Variants in AGAP1 observed in about 807,000 individuals in gnomAD.
AGAP1 encodes the protein arf-GAP with GTPase, ANK repeat and PH domain-containing protein 1.
In AGAP1, 29 loss-of-function variants were observed where a neutral mutation model predicts 105.3. That is an observed-to-expected ratio of 0.28 (90% CI 0.21 to 0.38). The LOEUF is 0.38. AGAP1 is among the 10% of genes least tolerant of loss of function. The pLI is 1.00. For synonymous variants in AGAP1, 509 were observed against 485.9 expected, an observed-to-expected ratio of 1.05 and a Z score of -0.63; for missense variants, 998 against 1,165.1, an observed-to-expected ratio of 0.86 and a Z score of 2.09.
chr2:235,846,888 A>G (rs948355403), intron 9 of AGAP1, among the ~76,000 whole-genome samples: 2 of 152,172 alleles, frequency 1.3e-5, no homozygotes, highest in Non-Finnish European at 2.9e-5. Context: ...TTGGCCTCCC[A>G]AAGTGCTGGG....
At chr2:235,812,260 C>T (rs1311010187) in intron 9 of AGAP1, among the ~76,000 whole-genome samples, 2 of 152,220 alleles carry the variant, frequency 1.3e-5, no homozygotes, top group Admixed American at 6.5e-5. Flanking sequence ...TCCCAGCAGC[C>T]ATCTGAAGCC....
At chr2:235,512,105 A>ATG (rs201816024) in intron 1 of AGAP1, among the ~76,000 whole-genome samples, 8 of 89,106 alleles carry the variant, frequency 9.0e-5, no homozygotes, top group South Asian at 3.4e-4. Context: ...GTGTGTGTGA[A>ATG]TGTGTGTGTG....
intron 1 of AGAP1, among the ~76,000 whole-genome samples, chr2:235,630,985 T>C (rs1282298217): frequency 6.6e-6 from 1 of 152,182 alleles, no homozygotes; most frequent in East Asian, 1.9e-4. Context: ...GGAAGCATAT[T>C]GTGAACACAT....
In AGAP1 at chr2:235,557,481, C is replaced by T. The variant is rs574432570; in HGVS notation, c.163+62632C>T. Among the ~76,000 whole-genome samples, 1 of 152,128 alleles carries T rather than the reference C, an allele frequency of 6.6e-6. No individual in the cohort carries two copies. Among genetic ancestry groups the T allele is most frequent in the Non-Finnish European group, 1.5e-5 (1 of 68,040 alleles). ...GAAGTCTGAGTTCATTCCGAAGATT[C>T]TGGCTTTTGAGAACTTATATAAAGA... On this transcript the variant is annotated intron_variant, in intron 1 of 17. Transcript: ENST00000304032. This position sits in a 1 kb window ranked among gnomAD's most constrained non-coding sequence, Gnocchi z 4.7.
chr2:235,958,595 G>T lies in AGAP1; in HGVS notation c.1484-9867G>T, dbSNP rs1397381887. ...ATCAAAAATTGCCCAGCTAATGATCGGCTGGGCAGATAATCGGAGGAGAGT... is the reference window on the plus strand; with the variant it reads ...ATCAAAAATTGCCCAGCTAATGATCTGCTGGGCAGATAATCGGAGGAGAGT... On this transcript the variant is annotated intron_variant, in intron 12 of 17. Transcript: ENST00000304032. This position sits in a 1 kb window ranked among gnomAD's most constrained non-coding sequence, Gnocchi z 4.1. Among the ~76,000 whole-genome samples the T allele has an allele frequency of 6.6e-6, 1 of 152,160 alleles. No individual in the cohort carries two copies. Among genetic ancestry groups the T allele is most frequent in the African/African-American group, 2.4e-5 (1 of 41,422 alleles).
At chr2:235,604,895 T>A (rs1279083087) in intron 1 of AGAP1, among the ~76,000 whole-genome samples, 1 of 151,506 alleles carries the variant, frequency 6.6e-6, no homozygotes, top group Non-Finnish European at 1.5e-5. Flanking sequence ...TACCATTTTT[T>A]TTTGAGACGG....
chr2:236,049,811 T>C (rs1343666758), intron 16 of AGAP1: 3 of 152,496 alleles, frequency 2.0e-5, no homozygotes, highest in Non-Finnish European at 4.4e-5. Flanking sequence ...TTAATTGTTA[T>C]CCAGTGTAAA....
chr2:235,909,622 C>T (rs1559635481), intron 11 of AGAP1, among the ~76,000 whole-genome samples: 1 of 152,250 alleles, frequency 6.6e-6, no homozygotes. Context: ...AACACACACA[C>T]AGAGTCAGGC....
At chr2:236,060,715 TA>T (rs1304656423) in intron 16 of AGAP1, among the ~76,000 whole-genome samples, 2 of 150,850 alleles carry the variant, frequency 1.3e-5, no homozygotes, top group South Asian at 4.2e-4. Flanking sequence ...AAATTTAAAT[TA>T]AAAAAAAGAA....
intron 9 of AGAP1, among the ~76,000 whole-genome samples, chr2:235,826,424 A>C (rs1333936913): frequency 6.6e-6 from 1 of 151,874 alleles, no homozygotes; most frequent in Non-Finnish European, 1.5e-5. Flanking sequence ...TCCGTTTCAC[A>C]TATCTTTTTT....
In AGAP1 at chr2:236,038,387, A is replaced by C. The variant is rs377429855; in HGVS notation, c.1800+1672A>C. Among the ~76,000 whole-genome samples, 17 of 152,292 alleles carry C rather than the reference A, an allele frequency of 1.1e-4. No individual in the cohort carries two copies. In the East Asian group the frequency reaches 3.1e-3, roughly 28 times the overall value. On this transcript the variant is annotated intron_variant, in intron 14 of 17. Transcript: ENST00000304032. This position sits in a 1 kb window ranked among gnomAD's most constrained non-coding sequence, Gnocchi z 4.5. Reference sequence around the variant, plus strand: ...CTCTGAGCCCCTGCCACCTCGACCTAATTCAGGAAGATCTGGGATGGTGGC... The same window carrying C: ...CTCTGAGCCCCTGCCACCTCGACCTCATTCAGGAAGATCTGGGATGGTGGC...
intron 16 of AGAP1, among the ~76,000 whole-genome samples, chr2:236,065,259 C>T (rs142592594): frequency 2.0e-5 from 3 of 152,290 alleles, no homozygotes; most frequent in East Asian, 1.9e-4. Flanking sequence ...ATAACTTATT[C>T]GCACACAGGG....
At chr2:235,678,467 C>A (rs1948876701) in intron 1 of AGAP1, among the ~76,000 whole-genome samples, 2 of 152,206 alleles carry the variant, frequency 1.3e-5, no homozygotes, top group Non-Finnish European at 2.9e-5. Flanking sequence ...CATAGCCATT[C>A]TGCTTTGGAA....
At chr2:235,524,480 G>T in intron 1 of AGAP1, 1 of 321,422 alleles carries the variant, frequency 3.1e-6, no homozygotes, top group Admixed American at 4.3e-5. Context: ...GGATGCGATG[G>T]GCAGTTGCTT....
In AGAP1 at chr2:235,736,456, C is replaced by T. The variant is rs1952261310; in HGVS notation, c.311-4507C>T. On this transcript the variant is annotated intron_variant, in intron 3 of 17. Coordinates refer to ENST00000304032, the MANE Select transcript of AGAP1 (RefSeq NM_001037131.3). The surrounding 1 kb of genome is among the most constrained non-coding windows in gnomAD (Gnocchi z 5.5). ...ATGGGCCATGGGCCAAGCTGTGCAC[C>T]AGGTGCTGGGAGGATACCGGTGGGC... Among the ~76,000 whole-genome samples the T allele has an allele frequency of 6.6e-6, 1 of 152,118 alleles. No individual in the cohort carries two copies. Among genetic ancestry groups the T allele is most frequent in the South Asian group, 2.1e-4 (1 of 4,828 alleles).
In AGAP1 at chr2:235,924,270, G is replaced by C. The variant is rs2052337353; in HGVS notation, c.1325-6495G>C. On this transcript the variant is annotated intron_variant, in intron 11 of 17. Transcript: ENST00000304032. ...AATTCCAAAGTCTAAAAGCTGCAGT[G>C]TCCCCTGGAGCCTCTCCTGTACCTT... Among the ~76,000 whole-genome samples the C allele has an allele frequency of 3.3e-5, 5 of 152,230 alleles. No individual in the cohort carries two copies. The South Asian group carries it at 8.3e-4, about 25-fold the overall frequency.
rs1386806637 is a variant in AGAP1, at chr2:236,061,101, T to C, written c.2114+11820T>C. Among the ~76,000 whole-genome samples, 1 of 152,102 alleles carries C rather than the reference T, an allele frequency of 6.6e-6. No homozygotes were observed. Among genetic ancestry groups the C allele is most frequent in the Non-Finnish European group, 1.5e-5 (1 of 68,022 alleles). ...GTAAAAAATAAAAATGGGCTAAGACTCTAAATAGACATTTCTCCAGAAAAT... is the reference window on the plus strand; with the variant it reads ...GTAAAAAATAAAAATGGGCTAAGACCCTAAATAGACATTTCTCCAGAAAAT... On this transcript the variant is annotated intron_variant, in intron 16 of 17. Transcript: ENST00000304032. The surrounding 1 kb of genome is among the most constrained non-coding windows in gnomAD (Gnocchi z 4.1).
intron 6 of AGAP1, among the ~76,000 whole-genome samples, chr2:235,768,120 T>C (rs1030474064): frequency 6.6e-6 from 1 of 152,206 alleles, no homozygotes; most frequent in African/African-American, 2.4e-5. Context: ...TTTTTTCTTT[T>C]CCCTCTTAGT....
At chr2:235,907,663 G>A (rs1056649172) in intron 10 of AGAP1, among the ~76,000 whole-genome samples, 2 of 151,994 alleles carry the variant, frequency 1.3e-5, no homozygotes, top group Non-Finnish European at 2.9e-5. Flanking sequence ...TGGGGGATTG[G>A]CTCCAGGACC....
Sources: gnomAD v4.1 joint callset for allele counts (sites outside exome capture counted in the v4.1 genomes callset) on GRCh38, gnomAD v4.1.1 for gene constraint, Gnocchi (gnomAD v3.1) non-coding constraint, MANE v1.5 for transcripts, NCBI Gene and HGNC (gene_info 2026-07-23, HGNC 2026-07-21) for gene names.